The following ATP13A4 variants were observed in gnomAD, a reference collection of about 807,000 sequenced individuals.
The protein encoded by ATP13A4 is ATPase 13A4.
A neutral mutation model predicts 142.5 loss-of-function variants in ATP13A4; 114 were observed. The ratio of observed to expected loss-of-function variants is 0.80; its 90% CI spans 0.69 to 0.93. ATP13A4 has a LOEUF of 0.93. Ranked by LOEUF, ATP13A4 falls within the 40% of genes least tolerant of loss-of-function variation. The probability of loss-of-function intolerance (pLI) is 0.00; values close to 1 mark genes in which losing one functional copy is unlikely to be tolerated. For missense variants in ATP13A4, 1,392 were observed against 1,454.0 expected (o/e 0.96, Z 0.69); for synonymous variants, 488 against 514.8 (o/e 0.95, Z 0.70).
intron 2 of ATP13A4, among the ~76,000 whole-genome samples, chr3:193,560,452 C>G (rs1723990298): frequency 6.6e-6 from 1 of 152,088 alleles, no homozygotes; most frequent in African/African-American, 2.4e-5. Flanking sequence ...AAGCCATCCA[C>G]CCACCTCTGT....
chr3:193,440,658 A>C, intron 20 of ATP13A4, 21 bp from the exon 21 acceptor site: 1 of 1,612,070 alleles, frequency 6.2e-7, no homozygotes, highest in Non-Finnish European at 8.5e-7. Flanking sequence ...CCCAAAATGG[A>C]GATTTTTTTA....
Position 193,418,605 on chromosome 3 carries a change from T to C in ATP13A4, c.2843-3855A>G, listed in dbSNP as rs1021228027. ...GGATCAGCTTAGAACCAAGAGGATG[T>C]CTCCTTGTGGGGAAAAGGTAAGCAA... On this transcript the variant is annotated intron_variant, in intron 25 of 29. Coordinates refer to ENST00000342695, the MANE Select transcript of ATP13A4 (RefSeq NM_032279.4). Among the ~76,000 whole-genome samples, 22 of 149,354 alleles carry C rather than the reference T, an allele frequency of 1.5e-4. 3 individuals carry two copies. The highest frequency in any genetic ancestry group is 4.9e-4 in the Admixed American group (7 of 14,374).
chr3:193,399,219 C>T lies in ATP13A4; in HGVS notation c.*3433G>A, dbSNP rs578036301. ...ATGATTTGGACTATGTGACTGTGTT[C>T]GTTTCTCCTTCAGACTCTGCTCAAG... On this transcript the variant is annotated 3_prime_UTR_variant, in exon 30 of 30. Transcript: ENST00000342695. 2.0e-5 allele frequency among the ~76,000 whole-genome samples: 3 copies of T among 152,220 alleles called. No homozygotes were observed. The highest frequency in any genetic ancestry group is 1.9e-4 in the East Asian group (1 of 5,170).
chr3:193,407,417 G>A, intron 28 of ATP13A4, 24 bp from the exon 29 acceptor site: 1 of 1,578,746 alleles, frequency 6.3e-7, no homozygotes, highest in Non-Finnish European at 8.7e-7. Flanking sequence ...ATGAAGCACA[G>A]TTAGTCTGAA....
intron 1 of ATP13A4, among the ~76,000 whole-genome samples, chr3:193,590,382 C>T (rs1046598768): frequency 6.6e-6 from 1 of 151,814 alleles, no homozygotes; most frequent in African/African-American, 2.4e-5. Context: ...AAATATACCG[C>T]AAAAAAGCAG....
intron 27 of ATP13A4, 66 bp from the exon 28 acceptor site, chr3:193,411,136 C>G (rs550961390): frequency 1.9e-6 from 2 of 1,028,348 alleles, no homozygotes; most frequent in Non-Finnish European, 3.1e-6. Context: ...CATATATTGA[C>G]GGATGTATTC....
At chr3:193,527,367 A>G (rs990818341) in intron 1 of ATP13A4, among the ~76,000 whole-genome samples, 6 of 152,118 alleles carry the variant, frequency 3.9e-5, no homozygotes, top group African/African-American at 1.4e-4. Flanking sequence ...TAATCCCAGC[A>G]CTATGGGGGG....
chr3:193,451,113 T>C (rs1717249740), intron 17 of ATP13A4, among the ~76,000 whole-genome samples: 1 of 152,164 alleles, frequency 6.6e-6, no homozygotes, highest in Non-Finnish European at 1.5e-5. Flanking sequence ...CTTTGCTGGC[T>C]CTGGGTCTCT....
chr3:193,547,846 G>A (rs1232840703), intron 1 of ATP13A4, among the ~76,000 whole-genome samples: 1 of 152,090 alleles, frequency 6.6e-6, no homozygotes, highest in Non-Finnish European at 1.5e-5. Flanking sequence ...GTTGAACAAG[G>A]GACACCTCGT....
intron 2 of ATP13A4, among the ~76,000 whole-genome samples, chr3:193,514,240 C>T (rs949749825): frequency 6.6e-6 from 1 of 152,208 alleles, no homozygotes; most frequent in African/African-American, 2.4e-5. Context: ...CTCTTCCCAG[C>T]CTCCACCTTC....
At position 193,489,831 on chromosome 3, in the gene ATP13A4, T is replaced by G; in HGVS notation, c.637A>C (p.Ser213Arg). The G allele has an allele frequency of 1.2e-6, 2 of 1,612,484 alleles. No homozygotes were observed. The highest frequency in any genetic ancestry group is 1.7e-6 in the Non-Finnish European group (2 of 1,178,688). The change falls in exon 7 of 30, where the codon AGT becomes CGT. Residue 213 changes from serine (S) to arginine (R), a missense_variant. Physicochemically the swap from Ser to Arg is moderately radical, Grantham distance 110. Transcript: ENST00000342695. ...TCTTCACTAAACCACAAACAGACAC[T>G]GAAGAGTTGAAATATATAAAATGGA... ...LNPFYIFQLF[S>R]VCLWFSEDYK... is the part of the protein sequence containing the mutation.
At chr3:193,465,982 G>C (rs1348282910) in intron 11 of ATP13A4, 43 bp downstream of exon 11, 2 of 1,606,612 alleles carry the variant, frequency 1.2e-6, no homozygotes, top group Non-Finnish European at 1.7e-6. Flanking sequence ...AATATACAGA[G>C]ATGAGTGTGT....
intron 8 of ATP13A4, among the ~76,000 whole-genome samples, chr3:193,479,779 T>C (rs932144608): frequency 2.6e-5 from 4 of 152,100 alleles, no homozygotes; most frequent in Non-Finnish European, 5.9e-5. Flanking sequence ...CTAAAATTCA[T>C]ATGGAGCCAA....
intron 1 of ATP13A4, among the ~76,000 whole-genome samples, chr3:193,584,506 A>G (rs1186995768): frequency 6.6e-6 from 1 of 152,154 alleles, no homozygotes; most frequent in Non-Finnish European, 1.5e-5. Flanking sequence ...ACCAGCTGAA[A>G]TCAATTCTAC....
intron 25 of ATP13A4, among the ~76,000 whole-genome samples, chr3:193,431,238 C>A (rs1409094809): frequency 2.0e-5 from 3 of 152,010 alleles, no homozygotes; most frequent in African/African-American, 7.2e-5. Context: ...GTAAGTAGCA[C>A]AAACTAGGGA....
intron 8 of ATP13A4, 44 bp downstream of exon 8, chr3:193,483,892 G>T: frequency 1.5e-6 from 2 of 1,376,554 alleles, no homozygotes; most frequent in Non-Finnish European, 2.1e-6. Flanking sequence ...ATTCTTTTCT[G>T]ATTCCATGTG....
intron 25 of ATP13A4, among the ~76,000 whole-genome samples, chr3:193,420,199 C>A (rs1344222536): frequency 6.7e-6 from 1 of 149,700 alleles, no homozygotes; most frequent in Non-Finnish European, 1.5e-5. Flanking sequence ...AGACCTGACA[C>A]CGAGAGGGTC....
At chr3:193,445,494 T>C (rs1325734203) in intron 18 of ATP13A4, among the ~76,000 whole-genome samples, 1 of 149,134 alleles carries the variant, frequency 6.7e-6, no homozygotes, top group South Asian at 2.1e-4. Context: ...TGGGGACTCA[T>C]GCCTATAATC....
Position 193,399,094 on chromosome 3 carries a change from C to G in ATP13A4, c.*3558G>C, listed in dbSNP as rs1714183524. 6.6e-6 allele frequency among the ~76,000 whole-genome samples: 1 copy of G among 152,052 alleles called. No homozygotes were observed. On this transcript the variant is annotated 3_prime_UTR_variant, in exon 30 of 30. Coordinates refer to ENST00000342695, the MANE Select transcript of ATP13A4 (RefSeq NM_032279.4). Reference sequence around the variant, plus strand: ...ACATTTCCATAAGCACATAAGGATACAGATGTCACAGACATATTTAGTGAG... The same window carrying G: ...ACATTTCCATAAGCACATAAGGATAGAGATGTCACAGACATATTTAGTGAG...
Sources: allele counts gnomAD v4.1 joint callset (sites outside exome capture counted in the v4.1 genomes callset), GRCh38; gene constraint gnomAD v4.1.1; transcripts MANE v1.5; gene names NCBI Gene and HGNC (gene_info 2026-07-23, HGNC 2026-07-21).